The following SLAMF8 variants were observed in gnomAD, a reference collection of about 807,000 sequenced individuals.
The protein encoded by SLAMF8 is B lymphocyte activator macrophage expressed.
SLAMF8 carries 23 observed loss-of-function variants against 29.0 expected under a neutral mutation model. The ratio of observed to expected loss-of-function variants is 0.79; its 90% CI spans 0.57 to 1.13. SLAMF8 has a LOEUF of 1.13. Ranked by LOEUF, SLAMF8 falls within the 50% of genes most tolerant of loss-of-function variation. The probability of loss-of-function intolerance (pLI) is 0.00; values close to 1 mark genes in which losing one functional copy is unlikely to be tolerated. For missense variants in SLAMF8, 381 were observed against 353.1 expected (o/e 1.08, Z -0.63); for synonymous variants, 139 against 145.6 (o/e 0.96, Z 0.32).
At chr1:159,830,450 C>A (rs1008927418) in intron 2 of SLAMF8, among the ~76,000 whole-genome samples, 2 of 152,298 alleles carry the variant, frequency 1.3e-5, no homozygotes, top group African/African-American at 2.4e-5. Flanking sequence ...GCCTTGGACA[C>A]AATGCTTAGC....
intron 4 of SLAMF8, among the ~76,000 whole-genome samples, chr1:159,833,784 T>C (rs941465118): frequency 6.6e-6 from 1 of 151,756 alleles, no homozygotes; most frequent in Non-Finnish European, 1.5e-5. Flanking sequence ...CTTACCCCAA[T>C]CAGAGAACTA....
chr1:159,833,186 G>A lies in SLAMF8; in HGVS notation c.673+5G>A. On this transcript the variant is annotated splice_donor_5th_base_variant and intron_variant, in intron 3 of 4. Coordinates refer to ENST00000289707, the MANE Select transcript of SLAMF8 (RefSeq NM_020125.3). ...ATAGCTGTCATCATGAGGCAGGTAT[G>A]CTAAGGGCCAGCAGTCAGTGGTTGA... The A allele has an allele frequency of 6.2e-7, 1 of 1,614,034 alleles. No homozygotes were observed. The highest frequency in any genetic ancestry group is 1.1e-5 in the South Asian group (1 of 91,080).
chr1:159,835,928 T>C lies in SLAMF8; in HGVS notation c.*668T>C. 2.0e-6 allele frequency: 2 copies of C among 985,430 alleles called. No homozygotes were observed. The highest frequency in any genetic ancestry group is 2.4e-6 in the Non-Finnish European group (2 of 829,944). The allele number at this position is 985,430 out of a possible 1,614,324, so 61.0% of individuals were successfully genotyped here. ...ACCGAGGATGGTTGACAACCCATGG[T>C]TGAGATGGGCACCGTTTTGCAGGAA... On this transcript the variant is annotated 3_prime_UTR_variant, in exon 5 of 5. Transcript: ENST00000289707.
Position 159,829,917 on chromosome 1 carries a change from G to T in SLAMF8, c.92G>T (p.Gly31Val), listed in dbSNP as rs943112449. ...GCCCAAGTGCTGAGCAAAGTCGGGG[G>T]CTCGGTGCTGCTGGTGGCAGCGCGT... ...TGAQVLSKVG[G>V]SVLLVAARPP... Residue 31 changes from glycine to valine, a missense_variant, in exon 2 of 5, where the codon GGC (glycine) becomes GTC (valine). Transcript: ENST00000289707. 3.7e-6 allele frequency: 6 copies of T among 1,614,174 alleles called. No homozygotes were observed. Among genetic ancestry groups the T allele is most frequent in the Admixed American group, 1.7e-5 (1 of 60,024 alleles).
rs1343762024 is a variant in SLAMF8, at chr1:159,836,357, G to A, written c.*1097G>A. The A allele has an allele frequency of 1.0e-6, 1 of 985,300 alleles. No individual in the cohort carries two copies. The highest frequency in any genetic ancestry group is 1.2e-6 in the Non-Finnish European group (1 of 829,908). 61.0% of individuals were successfully genotyped at this position (985,300 alleles called of 1,614,324 possible). A position where few individuals can be genotyped will look rare whatever the true frequency, so the allele number is the denominator to read the frequency against. On this transcript the variant is annotated 3_prime_UTR_variant, in exon 5 of 5. Transcript: ENST00000289707. ...CTCTGACTCCATCAAACTTTTTATT[G>A]TGGCCATCTTAGGAAAATACATTCT...
Position 159,836,159 on chromosome 1 carries a change from A to G in SLAMF8, c.*899A>G. On this transcript the variant is annotated 3_prime_UTR_variant, in exon 5 of 5. Transcript: ENST00000289707. Reference sequence around the variant, plus strand: ...GGATGAGTCTTCCTGCCTGAAACTGAGAGAGTGAAGAACCATAAAACGCTA... The same window carrying G: ...GGATGAGTCTTCCTGCCTGAAACTGGGAGAGTGAAGAACCATAAAACGCTA... 1 of 985,336 alleles carries G rather than the reference A, an allele frequency of 1.0e-6. No homozygotes were observed. Among genetic ancestry groups the G allele is most frequent in the African/African-American group, 1.7e-5 (1 of 57,366 alleles). 61.0% of individuals were successfully genotyped at this position (985,336 alleles called of 1,614,324 possible). A position where few individuals can be genotyped will look rare whatever the true frequency, so the allele number is the denominator to read the frequency against.
At position 159,830,160 on chromosome 1, in the gene SLAMF8, C is replaced by T. The variant is rs371694089; in HGVS notation, c.335C>T (p.Pro112Leu). 1.2e-6 allele frequency: 2 copies of T among 1,610,884 alleles called. No homozygotes were observed. Among genetic ancestry groups the T allele is most frequent in the African/African-American group, 1.3e-5 (1 of 74,874 alleles). Reference protein sequence around the residue: ...SVLMVDTRGQPWTQTLQLKVY... With the variant: ...SVLMVDTRGQLWTQTLQLKVY... The stretch of plus-strand genomic sequence containing the variant: ...TTGATGGTGGACACAAGGGGCCAGC[C>T]CTGGACCCAGACCCTCCAGCTCAAG... Residue 112 changes from proline (P) to leucine (L), a missense_variant, in exon 2 of 5, where the codon CCC (proline) becomes CTC (leucine). Physicochemically the swap from Pro to Leu is moderately conservative, Grantham distance 98 (BLOSUM62 -3). Coordinates refer to ENST00000289707, the MANE Select transcript of SLAMF8 (RefSeq NM_020125.3).
At chr1:159,829,417 C>T (rs1175486785) in intron 1 of SLAMF8, among the ~76,000 whole-genome samples, 2 of 152,222 alleles carry the variant, frequency 1.3e-5, no homozygotes, top group Non-Finnish European at 2.9e-5. Flanking sequence ...AACTCTCCCC[C>T]TCCAGGCCTT....
At position 159,836,768 on chromosome 1, in the gene SLAMF8, G is replaced by T. The variant is rs770231285; in HGVS notation, c.*1508G>T. On this transcript the variant is annotated 3_prime_UTR_variant, in exon 5 of 5. Transcript: ENST00000289707. The stretch of plus-strand genomic sequence containing the variant: ...ACTCGATTGTTCCCAGATCCTCCCT[G>T]CCTGGCCTGCTCAGAGGTTCCCTGT... The T allele has an allele frequency of 3.0e-6, 3 of 985,544 alleles. No homozygotes were observed. The highest frequency in any genetic ancestry group is 3.6e-6 in the Non-Finnish European group (3 of 830,078). 61.0% of individuals were successfully genotyped at this position (985,544 alleles called of 1,614,324 possible). A position where few individuals can be genotyped will look rare whatever the true frequency, so the allele number is the denominator to read the frequency against.
At chr1:159,830,580 C>A (rs1467330927) in intron 2 of SLAMF8, among the ~76,000 whole-genome samples, 1 of 152,150 alleles carries the variant, frequency 6.6e-6, no homozygotes, top group East Asian at 1.9e-4. Flanking sequence ...CTGGCCTGTG[C>A]TTCCTCAGTT....
Position 159,833,160 on chromosome 1 carries a change from G to T in SLAMF8, c.652G>T (p.Asp218Tyr), listed in dbSNP as rs1571141020. 9 of 1,613,980 alleles carry T rather than the reference G, an allele frequency of 5.6e-6. No homozygotes were observed. The East Asian group carries it at 2.0e-4, about 36-fold the overall frequency. ...GGACTTGGCCACAGTCACGCCCTGG[G>T]ATAGCTGTCATCATGAGGCAGGTAT... is the stretch of plus-strand genomic sequence containing the variant. The part of the protein sequence containing the change: ...SWDLATVTPW[D>Y]SCHHEAAPGK... Residue 218 changes from aspartate to tyrosine, a missense_variant, in exon 3 of 5, where the codon GAT becomes TAT. Asp to Tyr is a radical substitution (Grantham distance 160). Transcript: ENST00000289707.
At chr1:159,832,574 G>A (rs1434741549) in intron 2 of SLAMF8, among the ~76,000 whole-genome samples, 2 of 152,248 alleles carry the variant, frequency 1.3e-5, no homozygotes, top group Non-Finnish European at 2.9e-5. Flanking sequence ...TTATGTGAAA[G>A]CATGAAAGAT....
intron 2 of SLAMF8, among the ~76,000 whole-genome samples, chr1:159,831,777 GA>G (rs1647501998): frequency 6.6e-6 from 1 of 152,232 alleles, no homozygotes; most frequent in African/African-American, 2.4e-5. Flanking sequence ...CAATAGATAA[GA>G]ACGATTTGAA....
intron 1 of SLAMF8, among the ~76,000 whole-genome samples, chr1:159,828,076 C>T (rs569656437): frequency 3.0e-4 from 46 of 152,294 alleles, no homozygotes; most frequent in South Asian, 6.2e-4. Context: ...TCAAGTGATC[C>T]GCCCTCCTCA....
chr1:159,827,623 G>T (rs1196511062), intron 1 of SLAMF8, among the ~76,000 whole-genome samples: 3 of 152,164 alleles, frequency 2.0e-5, no homozygotes, highest in Non-Finnish European at 4.4e-5. Flanking sequence ...ATGGATGAGG[G>T]TTTATGGGGT....
At position 159,833,379 on chromosome 1, in the gene SLAMF8, C is replaced by T. The variant is rs1472283714; in HGVS notation, c.781+10C>T. On this transcript the variant is annotated intron_variant, in intron 4 of 4. Transcript: ENST00000289707. Reference sequence around the variant, plus strand: ...TGGTGCCCCTGCTCAGGTAGGAGTCCTGCAGGTGCAGGAGGTAGGTGGAGG... The same window carrying T: ...TGGTGCCCCTGCTCAGGTAGGAGTCTTGCAGGTGCAGGAGGTAGGTGGAGG... 2 of 1,613,872 alleles carry T rather than the reference C, an allele frequency of 1.2e-6. No homozygotes were observed. Among genetic ancestry groups the T allele is most frequent in the African/African-American group, 1.3e-5 (1 of 74,908 alleles).
chr1:159,831,251 G>T lies in SLAMF8; in HGVS notation c.367+1059G>T, dbSNP rs1015798700. On this transcript the variant is annotated intron_variant, in intron 2 of 4. Transcript: ENST00000289707. ...TTAAGAATGGAAAGCAGAGGTAGCAGCTGGGAAGAGGGTAGCCATGAGGGA... is the reference window on the plus strand; with the variant it reads ...TTAAGAATGGAAAGCAGAGGTAGCATCTGGGAAGAGGGTAGCCATGAGGGA... Among the ~76,000 whole-genome samples the T allele has an allele frequency of 3.3e-5, 5 of 152,198 alleles. No homozygotes were observed. The East Asian group carries it at 9.6e-4, about 29-fold the overall frequency.
chr1:159,831,449 C>T (rs1408364035), intron 2 of SLAMF8, among the ~76,000 whole-genome samples: 2 of 151,804 alleles, frequency 1.3e-5, no homozygotes, highest in East Asian at 3.9e-4. Flanking sequence ...TTTCAGCACC[C>T]CCCACCCCCT....
chr1:159,831,321 G>A (rs7516146), intron 2 of SLAMF8, among the ~76,000 whole-genome samples: 51,477 of 151,942 alleles, frequency 0.34, 11,064 homozygotes, highest in Non-Finnish European at 0.47. Flanking sequence ...GAATCCCCCC[G>A]AGACAGCTAA....
Sources: allele counts gnomAD v4.1 joint callset (sites outside exome capture counted in the v4.1 genomes callset), GRCh38; gene constraint gnomAD v4.1.1; transcripts MANE v1.5; gene names NCBI Gene and HGNC (gene_info 2026-07-23, HGNC 2026-07-21).